Variants in CCDC102B observed in about 807,000 individuals in gnomAD.
CCDC102B encodes coiled-coil domain-containing protein 102B.
Under a neutral mutation model 57.4 loss-of-function variants are expected in CCDC102B, and 75 were observed. That is an observed-to-expected ratio of 1.31 (90% CI 1.08 to 1.58). The LOEUF (loss-of-function observed/expected upper bound fraction) is 1.58. Ranked by LOEUF, CCDC102B falls within the 40% of genes most tolerant of loss-of-function variation. CCDC102B has a pLI of 0.00. For missense variants in CCDC102B, 636 were observed against 582.6 expected (o/e 1.09, Z -0.94); for synonymous variants, 206 against 201.9 (o/e 1.02, Z -0.17).
At chr18:68,929,912 T>G (rs1406598039) in intron 6 of CCDC102B, among the ~76,000 whole-genome samples, 3 of 151,900 alleles carry the variant, frequency 2.0e-5, no homozygotes, top group South Asian at 2.1e-4. Context: ...GTTTAATGTT[T>G]ATGATGAAAT....
intron 6 of CCDC102B, among the ~76,000 whole-genome samples, chr18:68,917,987 T>C (rs2041136444): frequency 6.8e-6 from 1 of 147,624 alleles, no homozygotes. Flanking sequence ...CACATACATA[T>C]ATATGTATAT....
intron 2 of CCDC102B, chr18:68,753,361 CTGA>C (rs2033933660): frequency 6.6e-6 from 1 of 152,052 alleles, no homozygotes; most frequent in Non-Finnish European, 1.5e-5. Flanking sequence ...TCATTTTCTT[CTGA>C]TGATCTCTTA....
chr18:68,920,441 C>T (rs919453721), intron 6 of CCDC102B, among the ~76,000 whole-genome samples: 1 of 152,046 alleles, frequency 6.6e-6, no homozygotes, highest in Non-Finnish European at 1.5e-5. Context: ...CTTTTAGGTA[C>T]TGTGGTGTAT....
chr18:68,745,545 G>C (rs886224137), intron 2 of CCDC102B, among the ~76,000 whole-genome samples: 4 of 152,004 alleles, frequency 2.6e-5, no homozygotes, highest in African/African-American at 9.7e-5. Flanking sequence ...TCAGATTAGT[G>C]AGCGTATCTA....
At chr18:69,036,609 T>C (rs1400046806) in intron 7 of CCDC102B, among the ~76,000 whole-genome samples, 1 of 151,970 alleles carries the variant, frequency 6.6e-6, no homozygotes, top group Non-Finnish European at 1.5e-5. Flanking sequence ...CAGCATTCAT[T>C]TGTTCTTTTT....
intron 5 of CCDC102B, among the ~76,000 whole-genome samples, chr18:68,890,889 C>T (rs548548157): frequency 2.0e-4 from 30 of 152,168 alleles, no homozygotes; most frequent in Admixed American, 5.9e-4. Context: ...TAGACTTTGA[C>T]TATAATGAAT....
chr18:68,887,687 C>T (rs1211502357), intron 5 of CCDC102B, among the ~76,000 whole-genome samples: 1 of 152,196 alleles, frequency 6.6e-6, no homozygotes, highest in South Asian at 2.1e-4. Context: ...CTAAAGTGTA[C>T]CTTTGATGTT....
chr18:68,905,919 A>G (rs1402916642), intron 6 of CCDC102B, among the ~76,000 whole-genome samples: 38 of 147,364 alleles, frequency 2.6e-4, no homozygotes, highest in East Asian at 1.2e-3. Flanking sequence ...TCAGCCTCCC[A>G]GGTAGCTGGG....
At chr18:68,913,617 T>G (rs1288738964) in intron 6 of CCDC102B, among the ~76,000 whole-genome samples, 2 of 148,034 alleles carry the variant, frequency 1.4e-5, no homozygotes, top group Non-Finnish European at 3.0e-5. Context: ...CTGGTGCTAC[T>G]GCACTCCAGC....
At chr18:68,926,737 C>T (rs558754729) in intron 6 of CCDC102B, among the ~76,000 whole-genome samples, 3 of 151,928 alleles carry the variant, frequency 2.0e-5, no homozygotes, top group Admixed American at 1.3e-4. Context: ...CTTTTTGTAA[C>T]GTATATTTGT....
intron 2 of CCDC102B, among the ~76,000 whole-genome samples, chr18:68,717,471 C>T (rs1189908927): frequency 6.6e-6 from 1 of 152,084 alleles, no homozygotes; most frequent in Non-Finnish European, 1.5e-5. Context: ...TTCAGTGTAG[C>T]TACTAGAAAA....
At chr18:69,032,609 T>C (rs1413526384) in intron 7 of CCDC102B, among the ~76,000 whole-genome samples, 1 of 152,174 alleles carries the variant, frequency 6.6e-6, no homozygotes, top group Non-Finnish European at 1.5e-5. Flanking sequence ...CCTATAGTTA[T>C]CTTTAATTTG....
chr18:68,929,829 T>TACAC (rs139334882), intron 6 of CCDC102B, among the ~76,000 whole-genome samples: 10 of 151,134 alleles, frequency 6.6e-5, no homozygotes, highest in South Asian at 4.2e-4. Context: ...ATGTATATAA[T>TACAC]ACACACACAC....
At chr18:69,049,187 C>T (rs141890947) in intron 7 of CCDC102B, among the ~76,000 whole-genome samples, 10 of 152,074 alleles carry the variant, frequency 6.6e-5, no homozygotes, top group African/African-American at 1.9e-4. Context: ...GTATCCGTCC[C>T]GTAGTCCCCT....
At chr18:68,935,441 T>C (rs74598474) in intron 6 of CCDC102B, among the ~76,000 whole-genome samples, 3,556 of 152,002 alleles carry the variant, frequency 0.023, 66 homozygotes, top group Non-Finnish European at 0.035. Context: ...AAGAGGTGTT[T>C]GTGTTGGTTT....
intron 3 of CCDC102B, among the ~76,000 whole-genome samples, chr18:68,845,999 T>C (rs892076232): frequency 1.6e-4 from 24 of 151,594 alleles, no homozygotes; most frequent in African/African-American, 5.6e-4. Context: ...TCCTCCTATG[T>C]AAGAGAATAT....
chr18:68,981,399 C>A (rs2050577007), intron 6 of CCDC102B, among the ~76,000 whole-genome samples: 1 of 151,950 alleles, frequency 6.6e-6, no homozygotes, highest in African/African-American at 2.4e-5. Flanking sequence ...GCATAAGGGA[C>A]AGGACGATGG....
At chr18:68,790,785 T>A (rs1023467264) in intron 2 of CCDC102B, among the ~76,000 whole-genome samples, 1 of 152,188 alleles carries the variant, frequency 6.6e-6, no homozygotes, top group East Asian at 1.9e-4. Context: ...GAAATCACCG[T>A]CTTCTGCGTC....
chr18:69,034,067 T>G (rs758416148), intron 7 of CCDC102B, among the ~76,000 whole-genome samples: 15 of 150,952 alleles, frequency 9.9e-5, no homozygotes, highest in Non-Finnish European at 1.6e-4. Flanking sequence ...TTAGTTGTGG[T>G]TTTTTTAATT....
Sources: allele counts gnomAD v4.1 joint callset (sites outside exome capture counted in the v4.1 genomes callset), GRCh38; gene constraint gnomAD v4.1.1; transcripts MANE v1.5; gene names NCBI Gene and HGNC (gene_info 2026-07-23, HGNC 2026-07-21).